SMYD3: variants seen among roughly 807,000 people sequenced by gnomAD.
The protein encoded by SMYD3 is SET and MYND domain containing 3.
A neutral mutation model predicts 57.7 loss-of-function variants in SMYD3; 36 were observed. That is an observed-to-expected ratio of 0.62 (90% CI 0.48 to 0.82). The LOEUF (loss-of-function observed/expected upper bound fraction) is 0.82. SMYD3 is among the 40% of genes least tolerant of loss of function. The pLI, the probability that SMYD3 is intolerant of heterozygous loss-of-function variation, is 0.00. For synonymous variants in SMYD3, 211 were observed against 195.0 expected (o/e 1.08, Z -0.68); for missense variants, 515 against 538.8 (o/e 0.96, Z 0.44).
rs545742748 is a variant in SMYD3, at chr1:246,307,459, G to A, written c.531+19742C>T. On this transcript the variant is annotated intron_variant, in intron 5 of 11. Coordinates refer to ENST00000490107, the MANE Select transcript of SMYD3 (RefSeq NM_001167740.2). ...TTTTGAGACGGAGTCTCGCTCTGTC[G>A]CCCAGGCTGGAGTGCAGTGGCGTGA... is the stretch of plus-strand genomic sequence containing the variant. Among the ~76,000 whole-genome samples, 37 of 121,762 alleles carry A rather than the reference G, an allele frequency of 3.0e-4. No homozygotes were observed. The South Asian group carries it at 4.7e-3, about 15-fold the overall frequency. 79.9% of individuals were successfully genotyped at this position (121,762 alleles called of 152,430 possible).
At chr1:245,861,229 C>A (rs546292464) in intron 9 of SMYD3, among the ~76,000 whole-genome samples, 1 of 152,322 alleles carries the variant, frequency 6.6e-6, no homozygotes, top group Non-Finnish European at 1.5e-5. Flanking sequence ...AGATTTAGTC[C>A]CTGGCATCTG....
chr1:245,920,306 C>A (rs2055816048), intron 7 of SMYD3, among the ~76,000 whole-genome samples: 1 of 79,490 alleles, frequency 1.3e-5, no homozygotes, highest in Admixed American at 1.9e-4. Context: ...GAGCGAGACT[C>A]CGTCTCAAAA....
chr1:245,917,056 G>A (rs183436203), intron 7 of SMYD3, among the ~76,000 whole-genome samples: 32 of 151,798 alleles, frequency 2.1e-4, no homozygotes, highest in African/African-American at 6.0e-4. Flanking sequence ...AAAAGACAGG[G>A]TCTCACTGTG....
At chr1:245,918,075 C>T (rs571801245) in intron 7 of SMYD3, among the ~76,000 whole-genome samples, 1 of 152,300 alleles carries the variant, frequency 6.6e-6, no homozygotes, top group South Asian at 2.1e-4. Flanking sequence ...TCCACCATGG[C>T]CGTCACCATC....
At position 246,501,587 on chromosome 1, in the gene SMYD3, T is replaced by C. The variant is rs182824758; in HGVS notation, c.164+5467A>G. On this transcript the variant is annotated intron_variant, in intron 1 of 11. Coordinates refer to ENST00000490107, the MANE Select transcript of SMYD3 (RefSeq NM_001167740.2). Reference sequence around the variant, plus strand: ...TGATTCGGCCACATTTCACTGGCCATCACCTTCCTTACGACCTCATTCCCT... The same window carrying C: ...TGATTCGGCCACATTTCACTGGCCACCACCTTCCTTACGACCTCATTCCCT... Among the ~76,000 whole-genome samples, 2 of 152,300 alleles carry C rather than the reference T, an allele frequency of 1.3e-5. 1 individual carries two copies. Among genetic ancestry groups the C allele is most frequent in the Admixed American group, 1.3e-4 (2 of 15,290 alleles).
intron 10 of SMYD3, among the ~76,000 whole-genome samples, chr1:245,796,293 G>T (rs1338574436): frequency 6.6e-6 from 1 of 151,910 alleles, no homozygotes; most frequent in Non-Finnish European, 1.5e-5. Context: ...AACCTTATTG[G>T]GACGAATTGG....
chr1:245,946,649 AG>A (rs775953094), intron 5 of SMYD3, among the ~76,000 whole-genome samples: 1 of 152,220 alleles, frequency 6.6e-6, no homozygotes, highest in African/African-American at 2.4e-5. Context: ...AAGTACGTAC[AG>A]GCAGAGTGGG....
chr1:246,274,610 C>T (rs2064293534), intron 5 of SMYD3, among the ~76,000 whole-genome samples: 2 of 152,082 alleles, frequency 1.3e-5, no homozygotes, highest in Non-Finnish European at 2.9e-5. Context: ...AGGTTGAGTC[C>T]CTCTATCCAG....
intron 5 of SMYD3, among the ~76,000 whole-genome samples, chr1:246,021,064 G>A (rs1354090161): frequency 6.6e-6 from 1 of 152,232 alleles, no homozygotes; most frequent in Non-Finnish European, 1.5e-5. Flanking sequence ...AAAGGTAACG[G>A]TGAATGATTC....
chr1:245,955,925 G>A (rs1463783389), intron 5 of SMYD3: 48 of 964,848 alleles, frequency 5.0e-5, no homozygotes, highest in Non-Finnish European at 5.9e-5. Context: ...CATTTATGTT[G>A]ATGCATGTTG....
At chr1:246,072,939 T>C (rs1159907534) in intron 5 of SMYD3, among the ~76,000 whole-genome samples, 1 of 152,242 alleles carries the variant, frequency 6.6e-6, no homozygotes, top group Admixed American at 6.5e-5. Flanking sequence ...CTGCCTTTTT[T>C]CTGTGTCTCC....
At chr1:245,891,734 A>G (rs531131737) in intron 8 of SMYD3, among the ~76,000 whole-genome samples, 7 of 21,460 alleles carry the variant, frequency 3.3e-4, no homozygotes, top group Non-Finnish European at 6.1e-4. Context: ...GCAAGCCAGG[A>G]AGAATACAAG....
intron 10 of SMYD3, among the ~76,000 whole-genome samples, chr1:245,768,269 T>C (rs2046199190): frequency 6.6e-6 from 1 of 152,014 alleles, no homozygotes; most frequent in Non-Finnish European, 1.5e-5. Context: ...TAAGAAGAAA[T>C]GGGTTTAAAC....
At chr1:245,848,299 C>T (rs2050770620) in intron 10 of SMYD3, among the ~76,000 whole-genome samples, 1 of 149,914 alleles carries the variant, frequency 6.7e-6, no homozygotes, top group Admixed American at 6.7e-5. Flanking sequence ...GTGTGTATTT[C>T]TTGGTAGAGA....
At chr1:246,487,663 T>C (rs1171608819) in intron 1 of SMYD3, among the ~76,000 whole-genome samples, 3 of 151,478 alleles carry the variant, frequency 2.0e-5, no homozygotes, top group Non-Finnish European at 4.4e-5. Context: ...CAGAAAACCA[T>C]GCCCAGTGTC....
chr1:245,926,471 C>G (rs1033318605), intron 7 of SMYD3, among the ~76,000 whole-genome samples: 10 of 152,146 alleles, frequency 6.6e-5, no homozygotes, highest in South Asian at 4.2e-4. Context: ...GGAAAAATAT[C>G]TGAGTCTGAA....
intron 1 of SMYD3, among the ~76,000 whole-genome samples, chr1:246,372,356 A>C (rs547921725): frequency 6.6e-6 from 1 of 152,192 alleles, no homozygotes; most frequent in Non-Finnish European, 1.5e-5. Flanking sequence ...GAGTTTGAGC[A>C]TATCTTTTTA....
Position 245,773,639 on chromosome 1 carries a change from C to T in SMYD3, c.1077-9490G>A, listed in dbSNP as rs538937322. ...TAACAGTGATAATGCTGTCCTTTTG[C>T]CTGTCTCATATATGACAGCACTATT... On this transcript the variant is annotated intron_variant, in intron 10 of 11. Transcript: ENST00000490107. Among the ~76,000 whole-genome samples, 249 of 152,252 alleles carry T rather than the reference C, an allele frequency of 1.6e-3. 1 individual carries two copies. Among genetic ancestry groups the T allele is most frequent in the Non-Finnish European group, 2.9e-3 (196 of 68,018 alleles).
intron 1 of SMYD3, among the ~76,000 whole-genome samples, chr1:246,401,341 T>TC (rs1298069407): frequency 6.7e-6 from 1 of 149,466 alleles, no homozygotes; most frequent in African/African-American, 2.4e-5. Flanking sequence ...TATTTAAACT[T>TC]TTTTTTTTTT....
Sources: allele counts gnomAD v4.1 joint callset (sites outside exome capture counted in the v4.1 genomes callset), GRCh38; gene constraint gnomAD v4.1.1; transcripts MANE v1.5; gene names NCBI Gene and HGNC (gene_info 2026-07-23, HGNC 2026-07-21).